Variants in ISL1 observed in about 807,000 individuals in gnomAD.
The protein encoded by ISL1 is ISL LIM homeobox 1.
In ISL1, 4 loss-of-function variants were observed where a neutral mutation model predicts 35.3. That is an observed-to-expected ratio of 0.11 (90% CI 0.06 to 0.26). The LOEUF (loss-of-function observed/expected upper bound fraction) is 0.26. Among genes scored for constraint, ISL1 ranks in the 10% least tolerant of loss-of-function variants. The probability of loss-of-function intolerance (pLI) is 1.00; values close to 1 mark genes in which losing one functional copy is unlikely to be tolerated. For missense variants in ISL1, 340 were observed against 472.8 expected, an observed-to-expected ratio of 0.72 and a Z score of 2.60; for synonymous variants, 186 against 172.3, an observed-to-expected ratio of 1.08 and a Z score of -0.62.
At chr5:51,391,530 G>A (rs1246454949) in intron 5 of ISL1, 89 bp downstream of exon 5, 2 of 1,489,218 alleles carry the variant, frequency 1.3e-6, no homozygotes, top group Non-Finnish European at 9.3e-7. Flanking sequence ...CAGTGGGGAG[G>A]GTGCCTTCTT....
Position 51,387,473 on chromosome 5 carries a change from C to A in ISL1, c.219-17C>A, listed in dbSNP as rs749734040. The A allele has an allele frequency of 3.1e-6, 5 of 1,613,560 alleles. No homozygotes were observed. In the Admixed American group the frequency reaches 6.7e-5, roughly 22 times the overall value. ...TCCCCGCTCTGGGCCGCCTCCGCTC[C>A]CCCCTCCCCCGCACAGGTTGTACGG... is the stretch of plus-strand genomic sequence containing the variant. On this transcript the variant is annotated splice_polypyrimidine_tract_variant and intron_variant, in intron 2 of 5. Transcript: ENST00000230658. This position sits in a 1 kb window ranked among gnomAD's most constrained non-coding sequence, Gnocchi z 4.3.
intron 4 of ISL1, among the ~76,000 whole-genome samples, chr5:51,390,636 CTTTTTCTTTTTTTTTTTTTTT>C (rs1747480073): frequency 5.4e-5 from 4 of 74,328 alleles, no homozygotes; most frequent in African/African-American, 1.7e-4. Flanking sequence ...TCTTTTCTTT[CTTTTTCTTTTTTTTTTTTTTT>C]TTTTTTTTTT....
intron 2 of ISL1, chr5:51,386,751 GAACA>G: frequency 2.6e-6 from 1 of 388,310 alleles, no homozygotes; most frequent in South Asian, 1.9e-5. Flanking sequence ...AAGATTGAGG[GAACA>G]GACGCAGATT....
At chr5:51,388,756 T>C (rs1249391816) in intron 3 of ISL1, among the ~76,000 whole-genome samples, 1 of 152,164 alleles carries the variant, frequency 6.6e-6, no homozygotes, top group Non-Finnish European at 1.5e-5. Flanking sequence ...TTCAGGGGGA[T>C]TTGTGACTAG....
In ISL1 at chr5:51,389,742, A is replaced by G; in HGVS notation, c.575A>G (p.Gln192Arg). 1 of 1,614,194 alleles carries G rather than the reference A, an allele frequency of 6.2e-7. No individual in the cohort carries two copies. Among genetic ancestry groups the G allele is most frequent in the Non-Finnish European group, 8.5e-7 (1 of 1,180,046 alleles). Residue 192 changes from glutamine to arginine, a missense_variant, in exon 4 of 6, where the codon CAG becomes CGG. Coordinates refer to ENST00000230658, the MANE Select transcript of ISL1 (RefSeq NM_002202.3). The surrounding 1 kb of genome is among the most constrained non-coding windows in gnomAD (Gnocchi z 5.0). ...TRVRTVLNEK[Q>R]LHTLRTCYAA... is the part of the protein sequence containing the mutation. ...GTGCGGACTGTGCTGAACGAGAAGC[A>G]GCTGCACACCTTGCGGACCTGCTAC...
intron 2 of ISL1, chr5:51,386,412 G>A (rs1478841826): frequency 1.1e-5 from 4 of 357,130 alleles, no homozygotes; most frequent in Admixed American, 7.3e-5. Flanking sequence ...GTGTGTGTGT[G>A]TAATCTTGTA....
intron 5 of ISL1, among the ~76,000 whole-genome samples, chr5:51,392,058 C>T (rs1365112115): frequency 2.6e-5 from 4 of 152,180 alleles, no homozygotes; most frequent in African/African-American, 9.6e-5. Flanking sequence ...AATGTAGGAC[C>T]GTTTAAATGT....
Position 51,389,641 on chromosome 5 carries a change from C to G in ISL1, c.479-5C>G. On this transcript the variant is annotated splice_polypyrimidine_tract_variant and splice_region_variant and intron_variant, in intron 3 of 5. Transcript: ENST00000230658. The surrounding 1 kb of genome is among the most constrained non-coding windows in gnomAD (Gnocchi z 5.0). ...CCAGCGCTCACGGCGCTCCTTGCCC[C>G]GCAGCGGAGCCCATCTCCGCCAGGC... 4 of 1,606,164 alleles carry G rather than the reference C, an allele frequency of 2.5e-6. No homozygotes were observed. Among genetic ancestry groups the G allele is most frequent in the Non-Finnish European group, 3.4e-6 (4 of 1,178,836 alleles).
chr5:51,390,894 G>A (rs1367255642), intron 4 of ISL1, among the ~76,000 whole-genome samples: 1 of 151,476 alleles, frequency 6.6e-6, no homozygotes, highest in Non-Finnish European at 1.5e-5. Context: ...AAACTGCTCA[G>A]AAAACCACCC....
At chr5:51,386,976 C>CT (rs1032916779) in intron 2 of ISL1, among the ~76,000 whole-genome samples, 1 of 152,034 alleles carries the variant, frequency 6.6e-6, no homozygotes, top group African/African-American at 2.4e-5. Context: ...CTCCTACCTC[C>CT]TTTTTTCTTG....
In ISL1 at chr5:51,387,841, T is replaced by C. The variant is rs1163214447; in HGVS notation, c.478+92T>C. On this transcript the variant is annotated intron_variant, in intron 3 of 5. Transcript: ENST00000230658. This position sits in a 1 kb window ranked among gnomAD's most constrained non-coding sequence, Gnocchi z 4.3. ...ACAACTATGGTAGCTACAGGGGTGG[T>C]CGTAGTGTTTGCCTGCAGTTAAATG... The C allele has an allele frequency of 8.6e-6, 13 of 1,515,158 alleles. No individual in the cohort carries two copies. The highest frequency in any genetic ancestry group is 1.2e-5 in the Non-Finnish European group (13 of 1,112,122). The allele number at this position is 1,515,158 out of a possible 1,614,324, so 93.9% of individuals were successfully genotyped here. A position where few individuals can be genotyped will look rare whatever the true frequency, so the allele number is the denominator to read the frequency against.
rs1747582621 is a variant in ISL1, at chr5:51,394,144, A to C, written c.*534A>C. On this transcript the variant is annotated 3_prime_UTR_variant, in exon 6 of 6. Transcript: ENST00000230658. ...TGATATGTTTAAAGTTGACTTTAAC[A>C]AGGGGTTAATTGAAATCCTGGGTCT... is the stretch of plus-strand genomic sequence containing the variant. 1 of 158,314 alleles carries C rather than the reference A, an allele frequency of 6.3e-6. No homozygotes were observed. The highest frequency in any genetic ancestry group is 6.2e-5 in the Admixed American group (1 of 16,240). 9.8% of individuals were successfully genotyped at this position (158,314 alleles called of 1,614,324 possible). A position where few individuals can be genotyped will look rare whatever the true frequency, so the allele number is the denominator to read the frequency against.
rs2111846383 is a variant in ISL1 at position 51,389,233 on chromosome 5, G to T, written c.479-413G>T. Among the ~76,000 whole-genome samples, 1 of 152,118 alleles carries T rather than the reference G, an allele frequency of 6.6e-6. No homozygotes were observed. The highest frequency in any genetic ancestry group is 2.0e-4 in the East Asian group (1 of 5,124). On this transcript the variant is annotated intron_variant, in intron 3 of 5. Transcript: ENST00000230658. The surrounding 1 kb of genome is among the most constrained non-coding windows in gnomAD (Gnocchi z 5.0). Reference sequence around the variant, plus strand: ...AGAGGGTGGTAATCAATGTAACTGGGGCCCAGTCTGGGCACAAGGAAAGGT... The same window carrying T: ...AGAGGGTGGTAATCAATGTAACTGGTGCCCAGTCTGGGCACAAGGAAAGGT...
chr5:51,385,435 A>G (rs1747320708), intron 2 of ISL1, among the ~76,000 whole-genome samples: 1 of 152,230 alleles, frequency 6.6e-6, no homozygotes, highest in Non-Finnish European at 1.5e-5. Context: ...CTGTCTACGA[A>G]CAATTGGTAT....
In ISL1 at chr5:51,383,453, T is replaced by A. The variant is rs555406271; in HGVS notation, c.-219T>A. The stretch of plus-strand genomic sequence containing the variant: ...AGAGGTGCCCGAGCCGCGCCGAGTC[T>A]GCCGCCGCCGCAGCGCCTCCGCTCC... On this transcript the variant is annotated 5_prime_UTR_variant, in exon 1 of 6. Coordinates refer to ENST00000230658, the MANE Select transcript of ISL1 (RefSeq NM_002202.3). The A allele has an allele frequency of 1.1e-5, 7 of 617,096 alleles. No homozygotes were observed. The highest frequency in any genetic ancestry group is 2.8e-5 in the Admixed American group (1 of 36,002). 38.2% of individuals were successfully genotyped at this position (617,096 alleles called of 1,614,324 possible). A position where few individuals can be genotyped will look rare whatever the true frequency, so the allele number is the denominator to read the frequency against.
Position 51,383,459 on chromosome 5 carries a change from C to A in ISL1, c.-213C>A, listed in dbSNP as rs370591252. ...GCCCGAGCCGCGCCGAGTCTGCCGC[C>A]GCCGCAGCGCCTCCGCTCCGCCAAC... On this transcript the variant is annotated 5_prime_UTR_variant, in exon 1 of 6. Coordinates refer to ENST00000230658, the MANE Select transcript of ISL1 (RefSeq NM_002202.3). 1.5e-5 allele frequency: 9 copies of A among 618,640 alleles called. No homozygotes were observed. The South Asian group carries it at 1.5e-4, about 11-fold the overall frequency. The allele number at this position is 618,640 out of a possible 1,614,324, so 38.3% of individuals were successfully genotyped here.
In ISL1 at chr5:51,387,250, A is replaced by G. The variant is rs1747366518; in HGVS notation, c.219-240A>G. 6.6e-6 allele frequency among the ~76,000 whole-genome samples: 1 copy of G among 152,152 alleles called. No individual in the cohort carries two copies. The highest frequency in any genetic ancestry group is 2.4e-5 in the African/African-American group (1 of 41,436). On this transcript the variant is annotated intron_variant, in intron 2 of 5. Transcript: ENST00000230658. This position sits in a 1 kb window ranked among gnomAD's most constrained non-coding sequence, Gnocchi z 4.3. ...GGTTCATCGGAAAGGAAACGGGAGT[A>G]AAAGAAAGGGAGGAGGGAGGGAGGG...
chr5:51,383,491 G>T lies in ISL1; in HGVS notation c.-181G>T. The T allele has an allele frequency of 1.5e-6, 1 of 651,584 alleles. No homozygotes were observed. The allele number at this position is 651,584 out of a possible 1,614,324, so 40.4% of individuals were successfully genotyped here. On this transcript the variant is annotated 5_prime_UTR_variant, in exon 1 of 6. Coordinates refer to ENST00000230658, the MANE Select transcript of ISL1 (RefSeq NM_002202.3). Reference sequence around the variant, plus strand: ...GCGCCTCCGCTCCGCCAACTCCGCCGGCTTAAATTGGACTCCTAGATCCGC... The same window carrying T: ...GCGCCTCCGCTCCGCCAACTCCGCCTGCTTAAATTGGACTCCTAGATCCGC...
rs1747432269 is a variant in ISL1, at chr5:51,389,551, G to C, written c.479-95G>C. On this transcript the variant is annotated intron_variant, in intron 3 of 5. Transcript: ENST00000230658. This position sits in a 1 kb window ranked among gnomAD's most constrained non-coding sequence, Gnocchi z 5.0. Reference sequence around the variant, plus strand: ...CGGGCGAGCAAGTAAGCGGGCGGGCGGGCGGGCAAGCGAGCGAGCGAGCGA... The same window carrying C: ...CGGGCGAGCAAGTAAGCGGGCGGGCCGGCGGGCAAGCGAGCGAGCGAGCGA... The C allele has an allele frequency of 4.4e-6, 5 of 1,133,864 alleles. No homozygotes were observed. The highest frequency in any genetic ancestry group is 5.8e-6 in the Non-Finnish European group (5 of 869,554). The allele number at this position is 1,133,864 out of a possible 1,614,324, so 70.2% of individuals were successfully genotyped here.
Sources: gnomAD v4.1 joint callset for allele counts (sites outside exome capture counted in the v4.1 genomes callset) on GRCh38, gnomAD v4.1.1 for gene constraint, Gnocchi (gnomAD v3.1) non-coding constraint, MANE v1.5 for transcripts, NCBI Gene and HGNC (gene_info 2026-07-23, HGNC 2026-07-21) for gene names.